IREB2: variants seen among roughly 807,000 people sequenced by gnomAD.
IREB2 encodes the protein iron-responsive element-binding protein 2.
IREB2 carries 39 observed loss-of-function variants against 118.8 expected under a neutral mutation model. That is an observed-to-expected ratio of 0.33 (90% CI 0.25 to 0.43). IREB2 has a LOEUF of 0.43. Among genes scored for constraint, IREB2 ranks in the 20% least tolerant of loss-of-function variants. IREB2 has a pLI of 1.00. For missense variants in IREB2, 900 were observed against 1,147.3 expected, an observed-to-expected ratio of 0.78 and a Z score of 3.11; for synonymous variants, 372 against 392.2, an observed-to-expected ratio of 0.95 and a Z score of 0.61.
At chr15:78,497,094 A>T (rs768092691) in intron 20 of IREB2, 32 bp from the exon 21 acceptor site, 2 of 1,567,314 alleles carry the variant, frequency 1.3e-6, no homozygotes, top group African/African-American at 1.3e-5. Context: ...TTCAGAAGTG[A>T]TTAGAGGGAA....
At chr15:78,493,849 C>T (rs984003103) in intron 18 of IREB2, 60 bp from the exon 19 acceptor site, 2 of 1,525,444 alleles carry the variant, frequency 1.3e-6, no homozygotes, top group Non-Finnish European at 1.8e-6. Context: ...TCTTACAGCT[C>T]AATAGTATGT....
chr15:78,438,608 C>A (rs1016118745), intron 1 of IREB2: 2 of 507,382 alleles, frequency 3.9e-6, no homozygotes, highest in Non-Finnish European at 7.1e-6. Context: ...TTGACCCGCA[C>A]CCCTCTCTCT....
chr15:78,498,076 A>T lies in IREB2; in HGVS notation c.2825A>T (p.Asp942Val). 1 of 1,613,672 alleles carries T rather than the reference A, an allele frequency of 6.2e-7. No homozygotes were observed. Among genetic ancestry groups the T allele is most frequent in the Non-Finnish European group, 8.5e-7 (1 of 1,179,620 alleles). ...KVFSVIASFE[D>V]DVEITLYKHG... ...TTCAGCGTGATTGCTTCGTTTGAAG[A>T]TGATGTGGAAATAACATTATACAAA... is the stretch of plus-strand genomic sequence containing the variant. The change falls in exon 22 of 22, where the codon GAT (aspartate) becomes GTT (valine). Residue 942 changes from aspartate (D) to valine (V), a missense_variant. By Grantham distance (152) the Asp-to-Val change is radical (BLOSUM62 -3). Coordinates refer to ENST00000258886, the MANE Select transcript of IREB2 (RefSeq NM_004136.4).
At chr15:78,487,916 A>C in intron 14 of IREB2, 99 bp downstream of exon 14, 2 of 786,010 alleles carry the variant, frequency 2.5e-6, no homozygotes, top group Non-Finnish European at 4.1e-6. Context: ...ATATTTCTGT[A>C]AACTCTGCAC....
In IREB2 at chr15:78,493,794, C is replaced by G. The variant is rs574968187; in HGVS notation, c.2325-115C>G. The G allele has an allele frequency of 6.1e-5, 55 of 905,328 alleles. No homozygotes were observed. In the African/African-American group the frequency reaches 8.0e-4, roughly 13 times the overall value. The allele number at this position is 905,328 out of a possible 1,614,324, so 56.1% of individuals were successfully genotyped here. A position where few individuals can be genotyped will look rare whatever the true frequency, so the allele number is the denominator to read the frequency against. ...GCATGGACATTCATGGTTTTGTTTTCTTTTGTGTTTGAAATTTTCTGTGAT... is the reference window on the plus strand; with the variant it reads ...GCATGGACATTCATGGTTTTGTTTTGTTTTGTGTTTGAAATTTTCTGTGAT... On this transcript the variant is annotated intron_variant, in intron 18 of 21. Transcript: ENST00000258886.
chr15:78,462,123 A>G lies in IREB2; in HGVS notation c.107-799A>G, dbSNP rs529783577. Among the ~76,000 whole-genome samples the G allele has an allele frequency of 1.2e-4, 19 of 152,318 alleles. No individual in the cohort carries two copies. The South Asian group carries it at 3.3e-3, about 27-fold the overall frequency. On this transcript the variant is annotated intron_variant, in intron 2 of 21. Transcript: ENST00000258886. ...TTTTTAAACTCTCTTTCTTACAGGAAAGTTAGCATACTATAAACACTGTTC... is the reference window on the plus strand; with the variant it reads ...TTTTTAAACTCTCTTTCTTACAGGAGAGTTAGCATACTATAAACACTGTTC...
At chr15:78,473,565 C>G (rs570991357) in intron 8 of IREB2, 184 bp downstream of exon 8, 3 of 564,352 alleles carry the variant, frequency 5.3e-6, no homozygotes, top group East Asian at 3.0e-5. Context: ...CTAATAAATA[C>G]AAAGAAATTT....
intron 1 of IREB2, among the ~76,000 whole-genome samples, chr15:78,439,449 C>T (rs1194701572): frequency 6.6e-6 from 1 of 152,084 alleles, no homozygotes; most frequent in Non-Finnish European, 1.5e-5. Flanking sequence ...CTTATTGTCC[C>T]TTTCCAGGTA....
At chr15:78,438,192 C>T (rs1420817499), upstream of IREB2, 4 of 662,594 alleles carry the variant, frequency 6.0e-6, no homozygotes, top group Admixed American at 2.3e-5. Context: ...GGGGCTGGCT[C>T]TGCTGCTCTC....
upstream of IREB2, chr15:78,438,078 G>T (rs1458220308): frequency 1.6e-5 from 8 of 494,220 alleles, no homozygotes; most frequent in East Asian, 9.7e-5. Context: ...AGCGGCGACG[G>T]CGCGAGAAAT....
intron 2 of IREB2, 129 bp downstream of exon 2, chr15:78,440,010 T>C: frequency 1.7e-6 from 1 of 593,634 alleles, no homozygotes; most frequent in South Asian, 2.1e-5. Context: ...CACATACCTA[T>C]ACCATTTTAA....
intron 18 of IREB2, among the ~76,000 whole-genome samples, chr15:78,491,599 G>GCACGCGCCTGTA (rs1339410009): frequency 4.6e-5 from 7 of 152,182 alleles, no homozygotes; most frequent in Non-Finnish European, 7.3e-5. Flanking sequence ...CCGGGTTCAA[G>GCACGCGCCTGTA]CAATTCTCCT....
At chr15:78,462,867 AATAAT>A in intron 2 of IREB2, 50 bp from the exon 3 acceptor site, 1 of 1,324,180 alleles carries the variant, frequency 7.6e-7, no homozygotes, top group Non-Finnish European at 1.0e-6. Context: ...GCATTTTAAA[AATAAT>A]ATATAGGTAT....
chr15:78,448,149 ATATT>A (rs1466390774), intron 2 of IREB2, among the ~76,000 whole-genome samples: 6 of 151,976 alleles, frequency 3.9e-5, no homozygotes, highest in South Asian at 2.1e-4. Flanking sequence ...ATGTATGTAT[ATATT>A]TATTTATTTG....
chr15:78,478,247 C>A, intron 9 of IREB2, 50 bp from the exon 10 acceptor site: 1 of 1,220,036 alleles, frequency 8.2e-7, no homozygotes, highest in Non-Finnish European at 1.2e-6. Flanking sequence ...AAAATAATAA[C>A]TAAATAAATT....
rs553735563 is a variant in IREB2, at chr15:78,475,974, C to A, written c.1024-214C>A. ...CTTGAGCTTTCAGGCCCCTTTCTAC[C>A]CTGATTAACAGTGACATTGGACCAG... On this transcript the variant is annotated intron_variant, in intron 8 of 21. Coordinates refer to ENST00000258886, the MANE Select transcript of IREB2 (RefSeq NM_004136.4). 1.7e-4 allele frequency: 64 copies of A among 378,034 alleles called. No individual in the cohort carries two copies. The South Asian group carries it at 4.5e-3, about 26-fold the overall frequency. 23.4% of individuals were successfully genotyped at this position (378,034 alleles called of 1,614,324 possible). A position where few individuals can be genotyped will look rare whatever the true frequency, so the allele number is the denominator to read the frequency against.
chr15:78,485,962 C>T (rs1255193315), intron 13 of IREB2, 122 bp downstream of exon 13: 1 of 819,600 alleles, frequency 1.2e-6, no homozygotes, highest in Non-Finnish European at 1.9e-6. Flanking sequence ...TTACTTGCTA[C>T]CTTGCCATTA....
At chr15:78,472,975 G>A (rs1181378455) in intron 7 of IREB2, among the ~76,000 whole-genome samples, 1 of 152,076 alleles carries the variant, frequency 6.6e-6, no homozygotes, top group African/African-American at 2.4e-5. Flanking sequence ...CTAACATAAT[G>A]AATACTTAAA....
rs1320981249 is a variant in IREB2, at chr15:78,462,995, G to T, written c.180G>T (p.Lys60Asn). Residue 60 changes from lysine (K) to asparagine (N), a missense_variant, in exon 3 of 22, where the codon AAG (lysine) becomes AAT (asparagine). Lys to Asn is a moderately conservative substitution (Grantham distance 94). Transcript: ENST00000258886. ...ATTGTGATGGCTTTTTAATGAAGAA[G>T]GAAGATGTTATGAACATTTTAGACT... ...VRNCDGFLMK[K>N]EDVMNILDWK... The T allele has an allele frequency of 6.2e-7, 1 of 1,613,442 alleles. No homozygotes were observed. Among genetic ancestry groups the T allele is most frequent in the African/African-American group, 1.3e-5 (1 of 75,014 alleles).
Sources: allele counts gnomAD v4.1 joint callset (sites outside exome capture counted in the v4.1 genomes callset), GRCh38; gene constraint gnomAD v4.1.1; transcripts MANE v1.5; gene names NCBI Gene and HGNC (gene_info 2026-07-23, HGNC 2026-07-21).